USP44: variants seen among roughly 807,000 people sequenced by gnomAD.
USP44 encodes the protein ubiquitin carboxyl-terminal hydrolase 44.
In USP44, 61 loss-of-function variants were observed where a neutral mutation model predicts 69.0. The ratio of observed to expected loss-of-function variants is 0.88; its 90% CI spans 0.72 to 1.09. USP44 has a LOEUF of 1.09. Among genes scored for constraint, USP44 ranks in the 50% least tolerant of loss-of-function variants. USP44 has a pLI of 0.00. For synonymous variants in USP44, 297 were observed against 295.4 expected (o/e 1.01, Z -0.06); for missense variants, 753 against 849.9 (o/e 0.89, Z 1.42).
intron 1 of USP44, among the ~76,000 whole-genome samples, chr12:95,550,183 G>GAAAA (rs570350053): frequency 2.1e-5 from 2 of 93,346 alleles, no homozygotes; most frequent in Non-Finnish European, 4.3e-5. Flanking sequence ...CTCCGTCTCA[G>GAAAA]AAAAAAAAAA....
chr12:95,548,965 G>C lies in USP44; in HGVS notation c.-71+2307C>G, dbSNP rs959092030. 1.3e-5 allele frequency: 2 copies of C among 151,864 alleles called. No individual in the cohort carries two copies. The highest frequency in any genetic ancestry group is 2.1e-4 in the South Asian group (1 of 4,806). The allele number at this position is 151,864 out of a possible 1,614,324, so 9.4% of individuals were successfully genotyped here. A position where few individuals can be genotyped will look rare whatever the true frequency, so the allele number is the denominator to read the frequency against. On this transcript the variant is annotated intron_variant, in intron 1 of 5. Transcript: ENST00000258499. The surrounding 1 kb of genome is among the most constrained non-coding windows in gnomAD (Gnocchi z 4.1). ...CCGGTGGCCGCCTTCCGCGCCTCGT[G>C]GGGGGGTCGGGGCCACGGACGGTCC...
At chr12:95,543,406 C>CAAAAAAAA (rs60127958) in intron 1 of USP44, among the ~76,000 whole-genome samples, 4 of 43,166 alleles carry the variant, frequency 9.3e-5, no homozygotes, top group Non-Finnish European at 1.4e-4. Flanking sequence ...GACTCTTTCT[C>CAAAAAAAA]AAAAAAAAAA....
rs780244149 is a variant in USP44, at chr12:95,518,222, C to G, written c.2071G>C (p.Glu691Gln). Residue 691 changes from glutamate to glutamine, a missense_variant, in exon 6 of 6, where the codon GAG becomes CAG. Glu to Gln is a conservative substitution (Grantham distance 29). Transcript: ENST00000258499. The part of the protein sequence containing the change: ...ENGHSKLLPP[E>Q]LLLGSQHPNE... ...GGATGTTGGCTCCCCAACAGGAGCTCTGGAGGCAAAAGTTTAGAATGTCCA... is the reference window on the plus strand; with the variant it reads ...GGATGTTGGCTCCCCAACAGGAGCTGTGGAGGCAAAAGTTTAGAATGTCCA... 1 of 1,614,162 alleles carries G rather than the reference C, an allele frequency of 6.2e-7. No homozygotes were observed. Among genetic ancestry groups the G allele is most frequent in the Non-Finnish European group, 8.5e-7 (1 of 1,180,034 alleles).
Position 95,518,012 on chromosome 12 carries a change from GTAA to G in USP44, c.*139_*141del. The stretch of plus-strand genomic sequence containing the variant: ...CAGTTGATATATACATTTATACTTT[GTAA>G]AAAAAAAAATTGTTAGATATAAAAT... On this transcript the variant is annotated 3_prime_UTR_variant, in exon 6 of 6. Transcript: ENST00000258499. The G allele has an allele frequency of 1.1e-6, 1 of 871,174 alleles. No individual in the cohort carries two copies. The highest frequency in any genetic ancestry group is 1.7e-6 in the Non-Finnish European group (1 of 598,132). The allele number at this position is 871,174 out of a possible 1,614,324, so 54.0% of individuals were successfully genotyped here.
In USP44 at chr12:95,517,921, G is replaced by A. The variant is rs950832769; in HGVS notation, c.*233C>T. The stretch of plus-strand genomic sequence containing the variant: ...AATTAAGACATAAAAATATAAAAGA[G>A]GTAACATCAGTCTGAGGTAAACACC... On this transcript the variant is annotated 3_prime_UTR_variant, in exon 6 of 6. Coordinates refer to ENST00000258499, the MANE Select transcript of USP44 (RefSeq NM_032147.5). 4 of 368,876 alleles carry A rather than the reference G, an allele frequency of 1.1e-5. No homozygotes were observed. The highest frequency in any genetic ancestry group is 1.9e-5 in the Non-Finnish European group (4 of 206,816). 22.9% of individuals were successfully genotyped at this position (368,876 alleles called of 1,614,324 possible). A position where few individuals can be genotyped will look rare whatever the true frequency, so the allele number is the denominator to read the frequency against.
intron 1 of USP44, among the ~76,000 whole-genome samples, chr12:95,544,262 A>C (rs915784953): frequency 2.6e-5 from 4 of 151,752 alleles, no homozygotes; most frequent in Non-Finnish European, 4.4e-5. Context: ...TCACTGTGTT[A>C]GCCAGGATGG....
At chr12:95,549,400 T>C (rs1053294648) in intron 1 of USP44, among the ~76,000 whole-genome samples, 1 of 151,872 alleles carries the variant, frequency 6.6e-6, no homozygotes, top group East Asian at 1.9e-4. Context: ...TAACCCGAAA[T>C]TGCCCATTTA....
At chr12:95,529,025 C>A in intron 2 of USP44, 23 bp from the exon 3 acceptor site, 1 of 1,574,908 alleles carries the variant, frequency 6.3e-7, no homozygotes. Context: ...ATATGAGTTC[C>A]TAAGATTATA....
At position 95,527,750 on chromosome 12, in the gene USP44, G is replaced by GT. The variant is rs531231379; in HGVS notation, c.1624+1056dup. The stretch of plus-strand genomic sequence containing the variant: ...TCCACCTGCCTCGGCCTCCCAAAGT[G>GT]TTAGGATTACAGGCGTAAGCCACCG... On this transcript the variant is annotated intron_variant, in intron 3 of 5. Transcript: ENST00000258499. 3.9e-3 allele frequency among the ~76,000 whole-genome samples: 587 copies of GT among 151,622 alleles called. 5 individuals are homozygous for GT. The highest frequency in any genetic ancestry group is 0.013 in the African/African-American group (552 of 41,356).
rs144760209 is a variant in USP44 at position 95,521,186 on chromosome 12, T to C, written c.1750A>G (p.Asn584Asp). ...LKRFRWSGRN[N>D]REKIGVHVGF... is the part of the protein sequence containing the mutation. ...ACATGAACACCAATCTTCTCTCGGT[T>C]ATTACGTCCTGACCACCTGTGAACA... is the stretch of plus-strand genomic sequence containing the variant. Residue 584 changes from asparagine to aspartate, a missense_variant, in exon 5 of 6, where the codon AAC (asparagine) becomes GAC (aspartate). Asn to Asp is a conservative substitution (Grantham distance 23). Coordinates refer to ENST00000258499, the MANE Select transcript of USP44 (RefSeq NM_032147.5). 864 of 1,614,178 alleles carry C rather than the reference T, an allele frequency of 5.4e-4. 3 individuals are homozygous for C. The highest frequency in any genetic ancestry group is 6.6e-4 in the Non-Finnish European group (776 of 1,180,030).
intron 1 of USP44, among the ~76,000 whole-genome samples, chr12:95,542,309 AG>A (rs1368675130): frequency 6.6e-6 from 1 of 152,218 alleles, no homozygotes; most frequent in Admixed American, 6.5e-5. Context: ...CCTTATGGTC[AG>A]GAAAAGACTA....
At position 95,545,299 on chromosome 12, in the gene USP44, G is replaced by T. The variant is rs151023270; in HGVS notation, c.-71+5973C>A. On this transcript the variant is annotated intron_variant, in intron 1 of 5. Coordinates refer to ENST00000258499, the MANE Select transcript of USP44 (RefSeq NM_032147.5). ...TAACCATCTCATTAAAAACAAAAAC[G>T]AAAAAAAAAAAACTTGAAATCTCCC... Among the ~76,000 whole-genome samples the T allele has an allele frequency of 5.8e-3, 796 of 137,266 alleles. 8 individuals carry two copies. Among genetic ancestry groups the T allele is most frequent in the African/African-American group, 0.02 (755 of 37,588 alleles). The allele number at this position is 137,266 out of a possible 152,430, so 90.1% of individuals were successfully genotyped here. A position where few individuals can be genotyped will look rare whatever the true frequency, so the allele number is the denominator to read the frequency against.
At chr12:95,524,064 T>G (rs117933844) in intron 4 of USP44, among the ~76,000 whole-genome samples, 2,648 of 151,840 alleles carry the variant, frequency 0.017, 35 homozygotes, top group South Asian at 0.027. Context: ...TTTATTTTTA[T>G]GTTTATGTAT....
rs147928880 is a variant in USP44 at position 95,521,191 on chromosome 12, C to T, written c.1745G>A (p.Arg582His). Residue 582 changes from arginine to histidine, a missense_variant, in exon 5 of 6, where the codon CGT becomes CAT. Physicochemically the swap from Arg to His is conservative, Grantham distance 29. Coordinates refer to ENST00000258499, the MANE Select transcript of USP44 (RefSeq NM_032147.5). ...LHLKRFRWSG[R>H]NNREKIGVHV... ...AACACCAATCTTCTCTCGGTTATTA[C>T]GTCCTGACCACCTGTGAACAAACCA... 8.1e-6 allele frequency: 13 copies of T among 1,614,026 alleles called. No homozygotes were observed. The highest frequency in any genetic ancestry group is 4.5e-5 in the East Asian group (2 of 44,888).
chr12:95,522,761 A>C (rs1388442984), intron 4 of USP44, among the ~76,000 whole-genome samples: 1 of 147,302 alleles, frequency 6.8e-6, no homozygotes, highest in Non-Finnish European at 1.5e-5. Context: ...CTAGGCGACA[A>C]GAGCGAAATT....
At chr12:95,523,440 C>G (rs185556691) in intron 4 of USP44, among the ~76,000 whole-genome samples, 4 of 152,304 alleles carry the variant, frequency 2.6e-5, no homozygotes, top group Admixed American at 2.6e-4. Flanking sequence ...CTCGCATCCA[C>G]TGCAGAACTG....
At chr12:95,530,594 T>C (rs1439592699) in intron 2 of USP44, among the ~76,000 whole-genome samples, 1 of 151,946 alleles carries the variant, frequency 6.6e-6, no homozygotes, top group Non-Finnish European at 1.5e-5. Context: ...AATTTGAAAA[T>C]ACATTTATAA....
chr12:95,528,250 A>G (rs1275780333), intron 3 of USP44, among the ~76,000 whole-genome samples: 1 of 152,198 alleles, frequency 6.6e-6, no homozygotes, highest in Non-Finnish European at 1.5e-5. Flanking sequence ...TGCTTCCTCC[A>G]TTAGGAATGT....
At chr12:95,540,969 C>T (rs541495249) in intron 1 of USP44, among the ~76,000 whole-genome samples, 9 of 152,238 alleles carry the variant, frequency 5.9e-5, no homozygotes, top group African/African-American at 2.2e-4. Context: ...TCTCACCATA[C>T]GGAAGTAGCA....
Sources: allele counts gnomAD v4.1 joint callset (sites outside exome capture counted in the v4.1 genomes callset), GRCh38; gene constraint gnomAD v4.1.1; non-coding constraint Gnocchi (gnomAD v3.1); transcripts MANE v1.5; gene names NCBI Gene and HGNC (gene_info 2026-07-23, HGNC 2026-07-21).